Variants in AUH observed in about 807,000 individuals in gnomAD.
The protein encoded by AUH is AU RNA binding methylglutaconyl-CoA hydratase, also known as methylglutaconyl-CoA hydratase, mitochondrial.
Under a neutral mutation model 42.3 loss-of-function variants are expected in AUH, and 29 were observed. The observed-to-expected ratio is 0.69, with a 90% CI of 0.51 to 0.93. The LOEUF (loss-of-function observed/expected upper bound fraction) is 0.93. AUH is among the 40% of genes least tolerant of loss of function. The pLI, the probability that AUH is intolerant of heterozygous loss-of-function variation, is 0.00. For synonymous variants in AUH, 174 were observed against 166.4 expected (o/e 1.05, Z -0.35); for missense variants, 452 against 438.1 (o/e 1.03, Z -0.28).
intron 6 of AUH, among the ~76,000 whole-genome samples, chr9:91,290,346 T>C (rs960628131): frequency 6.6e-6 from 1 of 151,948 alleles, no homozygotes; most frequent in Non-Finnish European, 1.5e-5. Context: ...ACCCAAGAGT[T>C]TGAGGCTGCA....
At position 91,334,986 on chromosome 9, in the gene AUH, T is replaced by C. The variant is rs151220735; in HGVS notation, c.419-9582A>G. On this transcript the variant is annotated intron_variant, in intron 3 of 9. Coordinates refer to ENST00000375731, the MANE Select transcript of AUH (RefSeq NM_001698.3). ...AATCTGGATAAAGCGGGGATTCTCC[T>C]GAGTCCTGGAATATCTCCAACTAGG... 1.1e-3 allele frequency among the ~76,000 whole-genome samples: 175 copies of C among 152,366 alleles called. 1 individual carries two copies. The highest frequency in any genetic ancestry group is 3.8e-3 in the African/African-American group (159 of 41,594).
intron 6 of AUH, among the ~76,000 whole-genome samples, chr9:91,247,945 T>C (rs999787206): frequency 2.0e-5 from 3 of 152,190 alleles, no homozygotes; most frequent in Non-Finnish European, 1.5e-5. Flanking sequence ...TTTACACATA[T>C]CTTCTTCTAT....
chr9:91,248,256 C>T (rs1828906563), intron 6 of AUH, among the ~76,000 whole-genome samples: 1 of 152,138 alleles, frequency 6.6e-6, no homozygotes, highest in Non-Finnish European at 1.5e-5. Context: ...AGTTGAAAAG[C>T]CTGTTCTTTC....
rs745577824 is a variant in AUH at position 91,221,004 on chromosome 9, AAGAG to A, written c.656-16_656-13del. Reference sequence around the variant, plus strand: ...TCGCTGTGTCCCCCCTGAGGGGTGAAAGAGAGAGAAAAGGCAATGATTTGACACC... The same window carrying A: ...TCGCTGTGTCCCCCCTGAGGGGTGAAAGAGAAAAGGCAATGATTTGACACC... On this transcript the variant is annotated splice_polypyrimidine_tract_variant and intron_variant, in intron 6 of 9. Transcript: ENST00000375731. The A allele has an allele frequency of 3.7e-6, 6 of 1,613,810 alleles. No individual in the cohort carries two copies. The African/African-American group carries it at 6.7e-5, about 18-fold the overall frequency.
chr9:91,347,747 G>C (rs1226169229), intron 3 of AUH, among the ~76,000 whole-genome samples: 2 of 151,734 alleles, frequency 1.3e-5, no homozygotes, highest in African/African-American at 4.8e-5. Flanking sequence ...AAAAGTATTA[G>C]AAAACAGGAG....
intron 3 of AUH, among the ~76,000 whole-genome samples, chr9:91,351,797 G>T (rs1832011738): frequency 6.6e-6 from 1 of 152,206 alleles, no homozygotes; most frequent in Admixed American, 6.5e-5. Flanking sequence ...GTGGCCTGAT[G>T]ATCTGAGATG....
At chr9:91,222,723 T>C (rs1160745662) in intron 6 of AUH, among the ~76,000 whole-genome samples, 1 of 152,180 alleles carries the variant, frequency 6.6e-6, no homozygotes, top group Non-Finnish European at 1.5e-5. Context: ...CTCAGATAAC[T>C]ATATTTACTC....
chr9:91,357,583 T>C (rs1832518686), intron 1 of AUH: 1 of 805,548 alleles, frequency 1.2e-6, no homozygotes. Context: ...TAATAATCCA[T>C]TCAAACTGCT....
intron 6 of AUH, among the ~76,000 whole-genome samples, chr9:91,274,250 A>G (rs903740427): frequency 2.6e-5 from 4 of 152,236 alleles, no homozygotes; most frequent in Non-Finnish European, 5.9e-5. Context: ...TTCATTTAAC[A>G]AATATTTACT....
Position 91,284,952 on chromosome 9 carries a change from G to A in AUH, c.655+11069C>T, listed in dbSNP as rs545485982. Among the ~76,000 whole-genome samples the A allele has an allele frequency of 1.8e-3, 279 of 152,238 alleles. 1 individual carries two copies. Among genetic ancestry groups the A allele is most frequent in the Admixed American group, 3.9e-3 (59 of 15,286 alleles). On this transcript the variant is annotated intron_variant, in intron 6 of 9. Coordinates refer to ENST00000375731, the MANE Select transcript of AUH (RefSeq NM_001698.3). ...AAACACCATTTGACCCAGCCATCCC[G>A]TTACTGGGTATACACCCAAAGGATT...
intron 6 of AUH, among the ~76,000 whole-genome samples, chr9:91,242,443 G>C (rs1393803766): frequency 6.6e-6 from 1 of 152,152 alleles, no homozygotes; most frequent in Non-Finnish European, 1.5e-5. Context: ...CCAAATCAAG[G>C]AGGAAGTAAA....
rs1247540911 is a variant in AUH at position 91,226,435 on chromosome 9, T to C, written c.656-5443A>G. 2.1e-5 allele frequency among the ~76,000 whole-genome samples: 3 copies of C among 145,582 alleles called. No homozygotes were observed. In the Admixed American group the frequency reaches 2.1e-4, roughly 10 times the overall value. ...CTTGTAAATTTGTTTGAGTTCATTG[T>C]AGATTCTGGATATTAGCCCTTTGTC... is the stretch of plus-strand genomic sequence containing the variant. On this transcript the variant is annotated intron_variant, in intron 6 of 9. Coordinates refer to ENST00000375731, the MANE Select transcript of AUH (RefSeq NM_001698.3).
chr9:91,342,268 C>G (rs1260553539), intron 3 of AUH, among the ~76,000 whole-genome samples: 6 of 152,172 alleles, frequency 3.9e-5, no homozygotes, highest in Non-Finnish European at 8.8e-5. Context: ...CTTCTGCTTC[C>G]TGTTGTCATT....
At chr9:91,216,439 G>GACACACAC (rs113531404) in intron 8 of AUH, among the ~76,000 whole-genome samples, 20 of 149,528 alleles carry the variant, frequency 1.3e-4, no homozygotes, top group Admixed American at 1.0e-3. Context: ...TTTATGTCGC[G>GACACACAC]ACACACACAC....
intron 6 of AUH, among the ~76,000 whole-genome samples, chr9:91,269,281 ATAAT>A (rs1363769149): frequency 6.6e-6 from 1 of 152,236 alleles, no homozygotes; most frequent in Non-Finnish European, 1.5e-5. Context: ...GCCAAGCCAG[ATAAT>A]TAATATTTTC....
intron 4 of AUH, among the ~76,000 whole-genome samples, chr9:91,317,124 C>T (rs1829218030): frequency 1.3e-5 from 2 of 152,112 alleles, no homozygotes; most frequent in African/African-American, 2.4e-5. Flanking sequence ...AATAATACAC[C>T]GTCTTCATTT....
chr9:91,336,561 C>A (rs34577779), intron 3 of AUH, among the ~76,000 whole-genome samples: 1 of 150,890 alleles, frequency 6.6e-6, no homozygotes. Context: ...ACCTGGGATG[C>A]GGAGGTTGCA....
At chr9:91,312,191 G>A (rs1401229578) in intron 4 of AUH, among the ~76,000 whole-genome samples, 1 of 152,144 alleles carries the variant, frequency 6.6e-6, no homozygotes, top group Non-Finnish European at 1.5e-5. Flanking sequence ...AGTCATGTCT[G>A]TAAGTTGCTT....
intron 6 of AUH, among the ~76,000 whole-genome samples, chr9:91,234,902 G>A (rs1020465141): frequency 1.3e-5 from 2 of 149,898 alleles, no homozygotes; most frequent in African/African-American, 2.5e-5. Flanking sequence ...TGATAAAGGT[G>A]AGGCCAATGT....
Sources: gnomAD v4.1 joint callset for allele counts (sites outside exome capture counted in the v4.1 genomes callset) on GRCh38, gnomAD v4.1.1 for gene constraint, MANE v1.5 for transcripts, NCBI Gene and HGNC (gene_info 2026-07-23, HGNC 2026-07-21) for gene names.